Variants in RGPD4 observed in about 807,000 individuals in gnomAD.
RGPD4 encodes the protein ranBP2-like and GRIP domain-containing protein 4.
RGPD4 carries 84 observed loss-of-function variants against 141.1 expected under a neutral mutation model. The observed-to-expected ratio is 0.60, with a 90% CI of 0.50 to 0.71. The LOEUF is 0.71. Among genes scored for constraint, RGPD4 ranks in the 30% least tolerant of loss-of-function variants. RGPD4 has a pLI of 0.00. For missense variants in RGPD4, 918 were observed against 1,622.4 expected (o/e 0.57, Z 7.46); for synonymous variants, 298 against 566.8 (o/e 0.53, Z 6.74).
At chr2:107,884,848 G>A (rs1213054395) in intron 22 of RGPD4, among the ~76,000 whole-genome samples, 1 of 152,144 alleles carries the variant, frequency 6.6e-6, no homozygotes, top group Non-Finnish European at 1.5e-5. Context: ...TGCATTTTTA[G>A]CAATTTGTTG....
At chr2:107,852,465 T>C (rs1476251390) in intron 7 of RGPD4, among the ~76,000 whole-genome samples, 1 of 131,490 alleles carries the variant, frequency 7.6e-6, no homozygotes, top group African/African-American at 3.0e-5. Flanking sequence ...TTTGACATGA[T>C]GTTTAGAAAA....
chr2:107,888,917 T>C (rs1413849543), intron 22 of RGPD4, among the ~76,000 whole-genome samples: 2 of 140,152 alleles, frequency 1.4e-5, no homozygotes, highest in Non-Finnish European at 3.0e-5. Context: ...AATAGAACCA[T>C]TTCTGATCTC....
chr2:107,847,043 C>T lies in RGPD4; in HGVS notation c.783-1298C>T, dbSNP rs536092069. Reference sequence around the variant, plus strand: ...GATCACGAAGTCAGGAGATCGAGACCATCCCAGCTAACAATGGTGAAACCT... The same window carrying T: ...GATCACGAAGTCAGGAGATCGAGACTATCCCAGCTAACAATGGTGAAACCT... On this transcript the variant is annotated intron_variant, in intron 6 of 22. Transcript: ENST00000408999. Among the ~76,000 whole-genome samples the T allele has an allele frequency of 7.9e-5, 12 of 151,130 alleles. No individual in the cohort carries two copies. In the East Asian group the frequency reaches 2.2e-3, roughly 28 times the overall value.
In RGPD4 at chr2:107,859,861, T is replaced by C. The variant is rs755330160; in HGVS notation, c.1758+16T>C. 1.9e-6 allele frequency: 3 copies of C among 1,573,150 alleles called. No homozygotes were observed. Among genetic ancestry groups the C allele is most frequent in the East Asian group, 2.2e-5 (1 of 44,546 alleles). ...TCAGAAAATGGTGAGTTTTAAAGTA[T>C]AAGCATTTTAAAAGAACATTACCTT... On this transcript the variant is annotated intron_variant, in intron 12 of 22. Transcript: ENST00000408999.
chr2:107,859,671 G>A lies in RGPD4; in HGVS notation c.1635-51G>A, dbSNP rs916040172. On this transcript the variant is annotated intron_variant, in intron 11 of 22. Coordinates refer to ENST00000408999, the MANE Select transcript of RGPD4 (RefSeq NM_182588.3). ...CCCATTAACATATATGTATGTAAGC[G>A]CTGAACTGTGTATTTAGAAAGCAAT... 6.9e-5 allele frequency: 111 copies of A among 1,610,982 alleles called. 1 individual carries two copies. The highest frequency in any genetic ancestry group is 6.5e-4 in the East Asian group (29 of 44,858).
chr2:107,890,729 T>G lies in RGPD4; in HGVS notation c.5275T>G (p.Ter1759GluextTer20), dbSNP rs369515710. 78 of 1,603,178 alleles carry G rather than the reference T, an allele frequency of 4.9e-5. No homozygotes were observed. The highest frequency in any genetic ancestry group is 1.8e-4 in the Middle Eastern group (1 of 5,648). The change falls in exon 23 of 23, where the codon TAA (stop) becomes GAA (glutamate). Residue 1759 changes from the stop codon to glutamate (E), a stop_lost. Transcript: ENST00000408999. ...TGTTTTACTTTCCAAAGGTGAGGAA[T>G]AAAATGCTTCCCGTTCTTCTGGATG... Reference protein sequence around the residue: ...KLAAVAQGEE* With the variant: ...KLAAVAQGEEE
At chr2:107,876,242 T>C (rs1683086672) in intron 20 of RGPD4, among the ~76,000 whole-genome samples, 1 of 151,744 alleles carries the variant, frequency 6.6e-6, no homozygotes, top group African/African-American at 2.4e-5. Context: ...CTCATCTTTG[T>C]CAATTTTTTT....
intron 6 of RGPD4, among the ~76,000 whole-genome samples, chr2:107,846,350 G>A (rs1372149944): frequency 6.6e-6 from 1 of 151,784 alleles, no homozygotes; most frequent in East Asian, 1.9e-4. Flanking sequence ...GCAGGTCTGA[G>A]CCACTGCACC....
chr2:107,829,863 C>T (rs1389952863), intron 1 of RGPD4, among the ~76,000 whole-genome samples: 2 of 152,006 alleles, frequency 1.3e-5, no homozygotes, highest in Admixed American at 1.3e-4. Flanking sequence ...GCTGTATCGG[C>T]GGGTTTCTTC....
rs1359295801 is a variant in RGPD4 at position 107,871,899 on chromosome 2, G to T, written c.3895G>T (p.Ala1299Ser). The T allele has an allele frequency of 6.2e-7, 1 of 1,611,402 alleles. No individual in the cohort carries two copies. ...AGGATCTAACTTCAGTTTTAAATCT[G>T]CTTTGAGTCCATCTAAGTCTCCTGC... ...TTGSNFSFKS[A>S]LSPSKSPAKL... is the part of the protein sequence containing the mutation. Residue 1299 changes from alanine (A) to serine (S), a missense_variant, in exon 20 of 23, where the codon GCT becomes TCT. Physicochemically the swap from Ala to Ser is moderately conservative, Grantham distance 99. Transcript: ENST00000408999.
chr2:107,885,913 C>T (rs1417036305), intron 22 of RGPD4, among the ~76,000 whole-genome samples: 2 of 151,456 alleles, frequency 1.3e-5, no homozygotes, highest in Non-Finnish European at 2.9e-5. Flanking sequence ...ATTAGCTGGG[C>T]GTGGTGGTGC....
chr2:107,871,966 A>G lies in RGPD4; in HGVS notation c.3962A>G (p.Glu1321Gly). ...QSGTSVGTDE[E>G]SDVTQEEERD... is the part of the protein sequence containing the mutation. ...GGGACTTCAGTTGGCACTGATGAAGAATCTGATGTTACTCAAGAAGAAGAG... is the reference window on the plus strand; with the variant it reads ...GGGACTTCAGTTGGCACTGATGAAGGATCTGATGTTACTCAAGAAGAAGAG... The change falls in exon 20 of 23, where the codon GAA becomes GGA. Residue 1321 changes from glutamate (E) to glycine (G), a missense_variant. Coordinates refer to ENST00000408999, the MANE Select transcript of RGPD4 (RefSeq NM_182588.3). 1 of 1,611,486 alleles carries G rather than the reference A, an allele frequency of 6.2e-7. No individual in the cohort carries two copies. The highest frequency in any genetic ancestry group is 1.1e-5 in the South Asian group (1 of 90,986).
Position 107,881,730 on chromosome 2 carries a change from A to G in RGPD4, c.5065-942A>G, listed in dbSNP as rs370747274. On this transcript the variant is annotated intron_variant, in intron 21 of 22. Coordinates refer to ENST00000408999, the MANE Select transcript of RGPD4 (RefSeq NM_182588.3). Reference sequence around the variant, plus strand: ...CAAAGTTCGCTAACTTTCTTGCCTAACCTAAAATGAAAATATACTAAAAGC... The same window carrying G: ...CAAAGTTCGCTAACTTTCTTGCCTAGCCTAAAATGAAAATATACTAAAAGC... Among the ~76,000 whole-genome samples, 192 of 151,186 alleles carry G rather than the reference A, an allele frequency of 1.3e-3. 5 individuals carry two copies. The East Asian group carries it at 0.032, about 25-fold the overall frequency.
chr2:107,828,048 G>A (rs1281483397), intron 1 of RGPD4, among the ~76,000 whole-genome samples: 41 of 57,538 alleles, frequency 7.1e-4, no homozygotes, highest in Admixed American at 2.5e-3. Flanking sequence ...CATGGCTCCC[G>A]ACGGGCGCTG....
intron 1 of RGPD4, among the ~76,000 whole-genome samples, chr2:107,828,524 G>A (rs1194346128): frequency 3.4e-5 from 4 of 119,150 alleles, no homozygotes; most frequent in African/African-American, 1.1e-4. Flanking sequence ...CGGCGGCCTC[G>A]ATGGCTCAGG....
At chr2:107,849,158 G>A (rs1316033723) in intron 7 of RGPD4, among the ~76,000 whole-genome samples, 5 of 67,630 alleles carry the variant, frequency 7.4e-5, no homozygotes, top group Admixed American at 2.4e-4. Context: ...GGGTGCAAGT[G>A]ATTCTCCTGC....
chr2:107,844,758 T>G (rs1212276024), intron 6 of RGPD4, among the ~76,000 whole-genome samples: 2 of 125,970 alleles, frequency 1.6e-5, no homozygotes, highest in Non-Finnish European at 3.5e-5. Flanking sequence ...ACAAGTTCCT[T>G]TTACATTTTT....
At chr2:107,882,290 C>A (rs1675388004) in intron 21 of RGPD4, among the ~76,000 whole-genome samples, 1 of 149,716 alleles carries the variant, frequency 6.7e-6, no homozygotes, top group South Asian at 2.1e-4. Flanking sequence ...GTCTCATCTA[C>A]TTTTTCTCCT....
intron 20 of RGPD4, among the ~76,000 whole-genome samples, chr2:107,876,430 G>T (rs1425079092): frequency 7.9e-5 from 12 of 151,506 alleles, no homozygotes; most frequent in Admixed American, 5.2e-4. Context: ...TTTGTTTCTT[G>T]TTCTCCGTTG....
Sources: gnomAD v4.1 joint callset for allele counts (sites outside exome capture counted in the v4.1 genomes callset) on GRCh38, gnomAD v4.1.1 for gene constraint, MANE v1.5 for transcripts, NCBI Gene and HGNC (gene_info 2026-07-23, HGNC 2026-07-21) for gene names.